The following UNC13C variants were observed in gnomAD, a reference collection of about 807,000 sequenced individuals.
UNC13C encodes unc-13 homolog C, also known as protein unc-13 homolog C.
A neutral mutation model predicts 245.4 loss-of-function variants in UNC13C; 174 were observed. That is an observed-to-expected ratio of 0.71 (90% CI 0.63 to 0.80). UNC13C has a LOEUF of 0.80. Among genes scored for constraint, UNC13C ranks in the 30% least tolerant of loss-of-function variants. The probability of loss-of-function intolerance (pLI) is 0.00; values close to 1 mark genes in which losing one functional copy is unlikely to be tolerated. For missense variants in UNC13C, 2,829 were observed against 2,602.9 expected, an observed-to-expected ratio of 1.09 and a Z score of -1.89; for synonymous variants, 992 against 895.1, an observed-to-expected ratio of 1.11 and a Z score of -1.93.
In UNC13C at chr15:54,012,754, G is replaced by C. The variant is rs183952892; in HGVS notation, c.-150G>C. The C allele has an allele frequency of 1.6e-6, 1 of 643,284 alleles. No homozygotes were observed. The allele number at this position is 643,284 out of a possible 1,614,324, so 39.8% of individuals were successfully genotyped here. On this transcript the variant is annotated 5_prime_UTR_variant, in exon 2 of 33. Coordinates refer to ENST00000260323, the MANE Select transcript of UNC13C (RefSeq NM_001080534.3). The stretch of plus-strand genomic sequence containing the variant: ...TTGCTTCTGGTTTGCACAGGACAGC[G>C]ACAATGTGGCAGAGCCATGCCTGCC...
chr15:53,838,952 G>T, the UNC13C span, among the ~76,000 whole-genome samples: 1 of 151,946 alleles, frequency 6.6e-6, no homozygotes, highest in Non-Finnish European at 1.5e-5. Flanking sequence ...ACTTTCATAG[G>T]AAATTGAAAA....
At chr15:53,895,569 A>T in the UNC13C span, among the ~76,000 whole-genome samples, 325 of 152,272 alleles carry the variant, frequency 2.1e-3, 2 homozygotes, top group African/African-American at 7.4e-3. Context: ...AGCTGAAGTA[A>T]GCTGTATATC....
In UNC13C at chr15:54,185,524, G is replaced by A. The variant is rs563240687; in HGVS notation, c.3071+41840G>A. ...TTTTCCCAGCACCATTTATTAAATA[G>A]GGAATCCTTTCCCCATTGCTTGTTT... On this transcript the variant is annotated intron_variant, in intron 4 of 32. Transcript: ENST00000260323. Among the ~76,000 whole-genome samples, 12 of 151,132 alleles carry A rather than the reference G, an allele frequency of 7.9e-5. No homozygotes were observed. In the South Asian group the frequency reaches 2.5e-3, roughly 31 times the overall value.
intron 4 of UNC13C, among the ~76,000 whole-genome samples, chr15:54,200,070 G>A (rs530519092): frequency 2.4e-4 from 24 of 101,832 alleles, no homozygotes; most frequent in African/African-American, 5.6e-4. Flanking sequence ...AAGCAATAGC[G>A]GTTAAAAAAG....
chr15:53,883,208 G>T, the UNC13C span, among the ~76,000 whole-genome samples: 1 of 152,044 alleles, frequency 6.6e-6, no homozygotes, highest in Non-Finnish European at 1.5e-5. Context: ...CTTACTATGA[G>T]GCTTTAATAT....
chr15:54,170,575 T>A (rs573862772), intron 4 of UNC13C, among the ~76,000 whole-genome samples: 1 of 152,298 alleles, frequency 6.6e-6, no homozygotes, highest in Non-Finnish European at 1.5e-5. Context: ...TTTTTTTTCC[T>A]TAAAATATCT....
chr15:54,042,291 C>T (rs1468583700), intron 2 of UNC13C, among the ~76,000 whole-genome samples: 6 of 152,088 alleles, frequency 3.9e-5, no homozygotes, highest in Non-Finnish European at 8.8e-5. Flanking sequence ...AGGGATTTAT[C>T]ACTGATGAAT....
intron 17 of UNC13C, among the ~76,000 whole-genome samples, chr15:54,382,087 G>T (rs1025227891): frequency 6.6e-6 from 1 of 152,096 alleles, no homozygotes; most frequent in Non-Finnish European, 1.5e-5. Context: ...TCAATAGCAA[G>T]AAGGACTTTG....
the UNC13C span, among the ~76,000 whole-genome samples, chr15:53,876,215 CA>C: frequency 6.6e-6 from 1 of 152,138 alleles, no homozygotes; most frequent in African/African-American, 2.4e-5. Context: ...CAGAATGTGG[CA>C]CTAAACGAAC....
intron 7 of UNC13C, among the ~76,000 whole-genome samples, chr15:54,242,400 T>A (rs1283147464): frequency 2.0e-5 from 3 of 152,122 alleles, no homozygotes; most frequent in Non-Finnish European, 4.4e-5. Flanking sequence ...AGTTGTCTTG[T>A]TTTTCTAAAT....
intron 19 of UNC13C, among the ~76,000 whole-genome samples, chr15:54,466,670 C>T (rs1892188455): frequency 6.6e-6 from 1 of 151,876 alleles, no homozygotes; most frequent in African/African-American, 2.4e-5. Flanking sequence ...AGACCCCACC[C>T]ACACACACAT....
At chr15:54,584,343 GTTTCA>G (rs1449269597) in intron 30 of UNC13C, among the ~76,000 whole-genome samples, 1 of 152,064 alleles carries the variant, frequency 6.6e-6, no homozygotes, top group Non-Finnish European at 1.5e-5. Context: ...GTTATGCCTC[GTTTCA>G]TTTCATTTTC....
chr15:54,571,895 C>A (rs929195816), intron 30 of UNC13C, among the ~76,000 whole-genome samples: 1 of 152,234 alleles, frequency 6.6e-6, no homozygotes, highest in Non-Finnish European at 1.5e-5. Context: ...ACATATACAG[C>A]ACTCCAGAGT....
the UNC13C span, among the ~76,000 whole-genome samples, chr15:53,955,547 G>A: frequency 6.6e-6 from 1 of 152,172 alleles, no homozygotes; most frequent in Non-Finnish European, 1.5e-5. Context: ...CACAATGAAA[G>A]TGACAGGGCT....
chr15:53,918,171 G>A, the UNC13C span, among the ~76,000 whole-genome samples: 1 of 152,104 alleles, frequency 6.6e-6, no homozygotes, highest in Non-Finnish European at 1.5e-5. Flanking sequence ...CTTCCCCTGC[G>A]TTTTGTTTTC....
intron 19 of UNC13C, among the ~76,000 whole-genome samples, chr15:54,423,629 T>C (rs2040698729): frequency 6.6e-6 from 1 of 151,782 alleles, no homozygotes. Flanking sequence ...AAAATAAAAA[T>C]CTATAGAAAG....
chr15:53,949,406 G>C, the UNC13C span, among the ~76,000 whole-genome samples: 529 of 152,216 alleles, frequency 3.5e-3, 3 homozygotes, highest in African/African-American at 0.012. Context: ...ATTTATTTTG[G>C]TTCTATGATG....
chr15:53,999,395 A>G (rs1316757354), intron 1 of UNC13C, among the ~76,000 whole-genome samples: 1 of 151,918 alleles, frequency 6.6e-6, no homozygotes, highest in African/African-American at 2.4e-5. Context: ...TTTATCCATT[A>G]CTGAATTTAT....
At position 54,038,124 on chromosome 15, in the gene UNC13C, A is replaced by ATTTTTTTTTTTTTTTTTTTTT. The variant is rs58063301; in HGVS notation, c.2983+22254_2983+22255insTTTTTTTTTTTTTTTTTTTTT. Among the ~76,000 whole-genome samples, 11 of 45,032 alleles carry ATTTTTTTTTTTTTTTTTTTTT rather than the reference A, an allele frequency of 2.4e-4. 2 individuals carry two copies. The highest frequency in any genetic ancestry group is 1.5e-3 in the Admixed American group (3 of 1,990). The allele number at this position is 45,032 out of a possible 152,430, so 29.5% of individuals were successfully genotyped here. A position where few individuals can be genotyped will look rare whatever the true frequency, so the allele number is the denominator to read the frequency against. On this transcript the variant is annotated intron_variant, in intron 2 of 32. Transcript: ENST00000260323. The stretch of plus-strand genomic sequence containing the variant: ...CATATATATATATATATATATATAT[A>ATTTTTTTTTTTTTTTTTTTTT]TTTTTTTTTTTTTTTTCCTGAGACA...
Sources: allele counts gnomAD v4.1 joint callset (sites outside exome capture counted in the v4.1 genomes callset), GRCh38; gene constraint gnomAD v4.1.1; transcripts MANE v1.5; gene names NCBI Gene and HGNC (gene_info 2026-07-23, HGNC 2026-07-21).